TAOK3: variants seen among roughly 807,000 people sequenced by gnomAD.
TAOK3 encodes serine/threonine-protein kinase TAO3.
A neutral mutation model predicts 120.4 loss-of-function variants in TAOK3; 40 were observed. The ratio of observed to expected loss-of-function variants is 0.33; its 90% CI spans 0.26 to 0.43. The LOEUF is 0.43. Ranked by LOEUF, TAOK3 falls within the 20% of genes least tolerant of loss-of-function variation. The probability of loss-of-function intolerance (pLI) is 1.00; values close to 1 mark genes in which losing one functional copy is unlikely to be tolerated. For missense variants in TAOK3, 821 were observed against 1,112.1 expected, an observed-to-expected ratio of 0.74 and a Z score of 3.72; for synonymous variants, 355 against 387.5, an observed-to-expected ratio of 0.92 and a Z score of 0.99.
chr12:118,206,783 G>C (rs1203390340), intron 11 of TAOK3, among the ~76,000 whole-genome samples: 2 of 151,628 alleles, frequency 1.3e-5, no homozygotes, highest in East Asian at 3.9e-4. Flanking sequence ...TTTTAATAGA[G>C]ATGGGGTTTC....
rs1350376541 is a variant in TAOK3, at chr12:118,353,610, AAAAG to A, written c.-194+19034_-194+19037del. On this transcript the variant is annotated intron_variant, in intron 1 of 20. Transcript: ENST00000392533. ...GAAGATTCATCATGATGAGTTGGGAAAAAGAGACTGAAATGAAGGCAGGCCCCTG... is the reference window on the plus strand; with the variant it reads ...GAAGATTCATCATGATGAGTTGGGAAAGACTGAAATGAAGGCAGGCCCCTG... Among the ~76,000 whole-genome samples, 83 of 152,252 alleles carry A rather than the reference AAAAG, an allele frequency of 5.5e-4. 1 individual carries two copies. The highest frequency in any genetic ancestry group is 1.9e-3 in the African/African-American group (81 of 41,568).
chr12:118,178,133 G>A (rs967344682), intron 15 of TAOK3, among the ~76,000 whole-genome samples: 1 of 152,048 alleles, frequency 6.6e-6, no homozygotes, highest in Non-Finnish European at 1.5e-5. Context: ...AAAAATGATC[G>A]TAGAGACTGG....
intron 19 of TAOK3, among the ~76,000 whole-genome samples, chr12:118,153,887 G>A (rs2034625508): frequency 6.6e-6 from 1 of 152,132 alleles, no homozygotes; most frequent in Non-Finnish European, 1.5e-5. Context: ...ATACTATAGA[G>A]ATTAAAGGAA....
intron 7 of TAOK3, chr12:118,236,523 A>G (rs1033789493): frequency 1.3e-5 from 2 of 152,178 alleles, no homozygotes; most frequent in African/African-American, 4.8e-5. Flanking sequence ...AGCACTAGAA[A>G]CCATGAATTG....
intron 14 of TAOK3, 90 bp downstream of exon 14, chr12:118,189,717 T>C (rs2037317436): frequency 1.3e-6 from 2 of 1,482,258 alleles, no homozygotes; most frequent in South Asian, 1.2e-5. Context: ...CTCCCATCCA[T>C]GAAGCCGAGA....
At position 118,325,762 on chromosome 12, in the gene TAOK3, G is replaced by A. The variant is rs75413506; in HGVS notation, c.-194+46886C>T. Reference sequence around the variant, plus strand: ...TAGCATGATCTCGGCTCACTGCAACGTCTGCCTCCCAGGTTCAAGCAATTC... The same window carrying A: ...TAGCATGATCTCGGCTCACTGCAACATCTGCCTCCCAGGTTCAAGCAATTC... On this transcript the variant is annotated intron_variant, in intron 1 of 20. Coordinates refer to ENST00000392533, the MANE Select transcript of TAOK3 (RefSeq NM_016281.4). Among the ~76,000 whole-genome samples the A allele has an allele frequency of 3.6e-4, 54 of 151,998 alleles. No homozygotes were observed. The East Asian group carries it at 9.3e-3, about 26-fold the overall frequency.
intron 9 of TAOK3, among the ~76,000 whole-genome samples, chr12:118,223,791 G>A (rs977269390): frequency 1.3e-5 from 2 of 152,024 alleles, no homozygotes; most frequent in Non-Finnish European, 2.9e-5. Context: ...CTACAGGTGT[G>A]TGCCACTACA....
intron 1 of TAOK3, among the ~76,000 whole-genome samples, chr12:118,342,664 C>T (rs189020869): frequency 2.0e-4 from 31 of 152,222 alleles, no homozygotes; most frequent in African/African-American, 7.2e-4. Flanking sequence ...CTGGGCTCTA[C>T]AGCTCACACC....
chr12:118,294,141 T>C lies in TAOK3; in HGVS notation c.-193-27382A>G, dbSNP rs531503598. 3.9e-5 allele frequency among the ~76,000 whole-genome samples: 6 copies of C among 152,334 alleles called. No homozygotes were observed. The East Asian group carries it at 5.8e-4, about 15-fold the overall frequency. On this transcript the variant is annotated intron_variant, in intron 1 of 20. Transcript: ENST00000392533. ...TATATGTGTATGTGTATCAATTTTA[T>C]TGAGGTATAATTTACATAATAAACT...
intron 14 of TAOK3, among the ~76,000 whole-genome samples, chr12:118,183,132 A>G (rs2036870254): frequency 6.6e-6 from 1 of 152,160 alleles, no homozygotes; most frequent in Non-Finnish European, 1.5e-5. Flanking sequence ...CCATCTCCCC[A>G]GCCTAACACC....
chr12:118,353,076 TC>T (rs2045244196), intron 1 of TAOK3, among the ~76,000 whole-genome samples: 1 of 152,214 alleles, frequency 6.6e-6, no homozygotes. Flanking sequence ...AAAATCAGTT[TC>T]CTCCGCCTTA....
Position 118,160,099 on chromosome 12 carries a change from T to C in TAOK3, c.2352+47A>G, listed in dbSNP as rs764626284. On this transcript the variant is annotated intron_variant, in intron 19 of 20. Transcript: ENST00000392533. This position sits in a 1 kb window ranked among gnomAD's most constrained non-coding sequence, Gnocchi z 4.2. ...CAACAGGCTGGATCTTGGATTTTCT[T>C]GATTCCCAAAGCTCTCGAAGCCGTG... 6.9e-7 allele frequency: 1 copy of C among 1,457,136 alleles called. No homozygotes were observed. The highest frequency in any genetic ancestry group is 9.6e-7 in the Non-Finnish European group (1 of 1,039,446). 90.3% of individuals were successfully genotyped at this position (1,457,136 alleles called of 1,614,324 possible). A position where few individuals can be genotyped will look rare whatever the true frequency, so the allele number is the denominator to read the frequency against.
At chr12:118,243,731 C>G (rs184819721) in intron 4 of TAOK3, among the ~76,000 whole-genome samples, 1 of 152,292 alleles carries the variant, frequency 6.6e-6, no homozygotes, top group East Asian at 1.9e-4. Context: ...GGCTGGACTG[C>G]AGTGGCACGA....
Position 118,201,427 on chromosome 12 carries a change from G to T in TAOK3, c.856C>A (p.Leu286Ile), listed in dbSNP as rs1405334107. 1 of 1,613,584 alleles carries T rather than the reference G, an allele frequency of 6.2e-7. No individual in the cohort carries two copies. Among genetic ancestry groups the T allele is most frequent in the East Asian group, 2.2e-5 (1 of 44,870 alleles). ...TTTGTCCTCTGTATGAGGTCAATGAGGACACGTAGTGGCCGGTCTCGTCGA... is the reference window on the plus strand; with the variant it reads ...TTTGTCCTCTGTATGAGGTCAATGATGACACGTAGTGGCCGGTCTCGTCGA... ...FVRRDRPLRV[L>I]IDLIQRTKDA... Residue 286 changes from leucine to isoleucine, a missense_variant, in exon 12 of 21, where the codon CTC becomes ATC. Physicochemically the swap from Leu to Ile is conservative, Grantham distance 5 (BLOSUM62 2). Transcript: ENST00000392533.
intron 2 of TAOK3, among the ~76,000 whole-genome samples, chr12:118,263,131 G>A (rs558419023): frequency 1.3e-5 from 2 of 152,200 alleles, no homozygotes; most frequent in African/African-American, 4.8e-5. Context: ...ATGCAATACT[G>A]GCACAGAGAT....
At chr12:118,190,319 G>A (rs184599243) in intron 13 of TAOK3, 367 of 160,812 alleles carry the variant, frequency 2.3e-3, no homozygotes, top group Non-Finnish European at 3.2e-3. Context: ...CTAGCAAGGA[G>A]GATGCTGGTG....
intron 11 of TAOK3, among the ~76,000 whole-genome samples, chr12:118,207,858 TCACACA>T (rs55978716): frequency 6.2e-5 from 9 of 144,448 alleles, no homozygotes; most frequent in East Asian, 4.1e-4. Context: ...AGACTCTGTC[TCACACA>T]CACACACACA....
chr12:118,342,245 C>T (rs763828723), intron 1 of TAOK3, among the ~76,000 whole-genome samples: 7 of 152,106 alleles, frequency 4.6e-5, no homozygotes, highest in Non-Finnish European at 7.4e-5. Flanking sequence ...AAAGCTACCA[C>T]GAGGAAGCAA....
intron 1 of TAOK3, among the ~76,000 whole-genome samples, chr12:118,317,060 C>T (rs951570980): frequency 5.3e-5 from 8 of 151,808 alleles, no homozygotes; most frequent in South Asian, 2.1e-4. Context: ...CTCAGGAGTT[C>T]GAGACCAGCC....
Sources: allele counts gnomAD v4.1 joint callset (sites outside exome capture counted in the v4.1 genomes callset), GRCh38; gene constraint gnomAD v4.1.1; non-coding constraint Gnocchi (gnomAD v3.1); transcripts MANE v1.5; gene names NCBI Gene and HGNC (gene_info 2026-07-23, HGNC 2026-07-21).